Variants in SYTL5 observed in about 807,000 individuals in gnomAD.
SYTL5 encodes the protein synaptotagmin-like protein 5.
Under a neutral mutation model 55.9 loss-of-function variants are expected in SYTL5, and 34 were observed. That is an observed-to-expected ratio of 0.61 (90% CI 0.46 to 0.81). The LOEUF is 0.81. SYTL5 is among the 30% of genes least tolerant of loss of function. SYTL5 has a pLI of 0.00. For missense variants in SYTL5, 637 were observed against 546.7 expected, an observed-to-expected ratio of 1.17 and a Z score of -1.65; for synonymous variants, 221 against 188.7, an observed-to-expected ratio of 1.17 and a Z score of -1.40.
chrX:37,984,858 T>C, the SYTL5 span, among the ~76,000 whole-genome samples: 2 of 112,040 alleles, frequency 1.8e-5, no homozygotes, highest in East Asian at 2.8e-4. Context: ...TGTAATACAC[T>C]ACATCAATAG....
intron 11 of SYTL5, 42 bp downstream of exon 11, chrX:38,106,813 C>T: frequency 1.9e-6 from 2 of 1,069,987 alleles, no homozygotes; most frequent in South Asian, 2.4e-5. Flanking sequence ...CAGTCACTGC[C>T]TTTTTTGTCT....
intron 1 of SYTL5, among the ~76,000 whole-genome samples, chrX:38,009,422 T>C (rs1934105711): frequency 8.9e-6 from 1 of 111,986 alleles, no homozygotes; most frequent in Admixed American, 9.5e-5. Context: ...TCCCCTTTCA[T>C]TTCATTTGTT....
At chrX:37,960,925 AG>A in the SYTL5 span, among the ~76,000 whole-genome samples, 1 of 109,316 alleles carries the variant, frequency 9.1e-6, no homozygotes, top group Non-Finnish European at 1.9e-5. Context: ...CCTCCTGAGT[AG>A]CTGGGACTAC....
chrX:38,024,961 C>T (rs1934708008), intron 1 of SYTL5, among the ~76,000 whole-genome samples: 1 of 111,829 alleles, frequency 8.9e-6, no homozygotes, highest in Non-Finnish European at 1.9e-5. Context: ...CATAGCATCT[C>T]TCTTTGAGTC....
chrX:38,075,769 G>C (rs149710678), intron 5 of SYTL5, among the ~76,000 whole-genome samples: 3,869 of 111,844 alleles, frequency 0.035, 64 homozygotes, highest in Middle Eastern at 0.064. Flanking sequence ...CAGTACCTTT[G>C]GAATCCATGT....
At chrX:37,963,032 T>C in the SYTL5 span, among the ~76,000 whole-genome samples, 1 of 112,041 alleles carries the variant, frequency 8.9e-6, no homozygotes, top group South Asian at 3.7e-4. Context: ...TAACATGACA[T>C]GTCTTTCCAT....
chrX:38,083,968 A>G (rs1474056027), intron 6 of SYTL5, among the ~76,000 whole-genome samples: 1 of 108,880 alleles, frequency 9.2e-6, no homozygotes, highest in Non-Finnish European at 1.9e-5. Flanking sequence ...TCCTTCTTTC[A>G]CCCGCCAAAG....
At chrX:37,892,291 C>T in the SYTL5 span, among the ~76,000 whole-genome samples, 5 of 109,196 alleles carry the variant, frequency 4.6e-5, no homozygotes, top group Non-Finnish European at 9.5e-5. Context: ...TGGAGCCAAA[C>T]ACATATTAAA....
At chrX:37,965,188 A>G in the SYTL5 span, among the ~76,000 whole-genome samples, 1 of 111,597 alleles carries the variant, frequency 9.0e-6, no homozygotes, top group Non-Finnish European at 1.9e-5. Context: ...CATTTTTAAT[A>G]TAGGAATTTA....
the SYTL5 span, among the ~76,000 whole-genome samples, chrX:37,952,476 A>G: frequency 1.3e-4 from 14 of 111,744 alleles, no homozygotes; most frequent in Admixed American, 1.3e-3. Context: ...ATACTGACCG[A>G]AGCAAATCAC....
the SYTL5 span, among the ~76,000 whole-genome samples, chrX:37,899,107 A>G: frequency 8.9e-6 from 1 of 112,612 alleles, no homozygotes; most frequent in Non-Finnish European, 1.9e-5. Context: ...CAAGGAAGAA[A>G]ATATAAGAAG....
Position 38,125,479 on chromosome X carries a change from G to A in SYTL5, c.2023G>A (p.Gly675Arg). ...GGCCTTTTCCAGCAACATCTTTCTGGGAGGAGTTCGTTTGAATTCTGGAAG... is the reference window on the plus strand; with the variant it reads ...GGCCTTTTCCAGCAACATCTTTCTGAGAGGAGTTCGTTTGAATTCTGGAAG... ...KEAFSSNIFL[G>R]GVRLNSGSGV... The change falls in exon 16 of 17, where the codon GGA becomes AGA. Residue 675 changes from glycine (G) to arginine (R), a missense_variant. Coordinates refer to ENST00000297875, the MANE Select transcript of SYTL5 (RefSeq NM_138780.3). The A allele has an allele frequency of 1.7e-6, 2 of 1,211,399 alleles. No homozygotes were observed. The highest frequency in any genetic ancestry group is 2.2e-6 in the Non-Finnish European group (2 of 895,166).
rs576184029 is a variant in SYTL5 at position 38,094,536 on chromosome X, C to T, written c.961+112C>T. The T allele has an allele frequency of 5.9e-6, 5 of 844,678 alleles. No individual in the cohort carries two copies. In the South Asian group the frequency reaches 1.3e-4, roughly 23 times the overall value. The allele number at this position is 844,678 out of a possible 1,213,427, so 69.6% of individuals were successfully genotyped here. On this transcript the variant is annotated intron_variant, in intron 8 of 16. Coordinates refer to ENST00000297875, the MANE Select transcript of SYTL5 (RefSeq NM_138780.3). ...TTCATCCTTTAAAAAATAAGCATTC[C>T]CTTCTTTGACCTATGGTGGTAGGCC...
chrX:38,069,786 G>A (rs1300822491), intron 3 of SYTL5, among the ~76,000 whole-genome samples: 1 of 111,821 alleles, frequency 8.9e-6, no homozygotes, highest in Non-Finnish European at 1.9e-5. Context: ...TGACTGAATA[G>A]CCAAGAAACA....
At chrX:37,962,462 C>T in the SYTL5 span, among the ~76,000 whole-genome samples, 2 of 112,059 alleles carry the variant, frequency 1.8e-5, no homozygotes, top group Admixed American at 9.4e-5. Context: ...TTTTCTTAAT[C>T]CAGTCTATCA....
the SYTL5 span, among the ~76,000 whole-genome samples, chrX:38,000,572 A>G: frequency 8.9e-6 from 1 of 111,931 alleles, no homozygotes; most frequent in Non-Finnish European, 1.9e-5. Context: ...CTCAGTAGGC[A>G]TGTGTTACAG....
At chrX:37,953,945 T>C in the SYTL5 span, among the ~76,000 whole-genome samples, 2 of 111,656 alleles carry the variant, frequency 1.8e-5, no homozygotes, top group African/African-American at 6.5e-5. Context: ...TTTAGATTTG[T>C]TTATAGGCTG....
At chrX:38,045,033 G>A (rs1013295138) in intron 2 of SYTL5, among the ~76,000 whole-genome samples, 2 of 111,653 alleles carry the variant, frequency 1.8e-5, no homozygotes, top group African/African-American at 6.5e-5. Context: ...GTCTTAGGTT[G>A]GATTCCCCCA....
chrX:37,995,894 A>G, the SYTL5 span, among the ~76,000 whole-genome samples: 1 of 112,408 alleles, frequency 8.9e-6, no homozygotes, highest in Non-Finnish European at 1.9e-5. Context: ...TGCACATCTG[A>G]GGACTTCATT....
Sources: gnomAD v4.1 joint callset for allele counts (sites outside exome capture counted in the v4.1 genomes callset) on GRCh38, gnomAD v4.1.1 for gene constraint, MANE v1.5 for transcripts, NCBI Gene and HGNC (gene_info 2026-07-23, HGNC 2026-07-21) for gene names.